The following CSMD2 variants were observed in gnomAD, a reference collection of about 807,000 sequenced individuals.
CSMD2 encodes CUB and Sushi multiple domains 2, also known as CUB and sushi domain-containing protein 2.
Under a neutral mutation model 398.5 loss-of-function variants are expected in CSMD2, and 130 were observed. That is an observed-to-expected ratio of 0.33 (90% CI 0.28 to 0.38). The LOEUF is 0.38. CSMD2 is among the 10% of genes least tolerant of loss of function. The pLI is 1.00. For synonymous variants in CSMD2, 1,828 were observed against 1,908.5 expected (o/e 0.96, Z 1.10); for missense variants, 3,829 against 4,764.9 (o/e 0.80, Z 5.78).
At chr1:33,769,492 C>A (rs931073875) in intron 13 of CSMD2, among the ~76,000 whole-genome samples, 2 of 152,126 alleles carry the variant, frequency 1.3e-5, no homozygotes, top group Admixed American at 1.3e-4. Flanking sequence ...TCTTTCAAAA[C>A]GTTTTTCACT....
intron 1 of CSMD2, among the ~76,000 whole-genome samples, chr1:34,119,196 G>A (rs543770589): frequency 6.6e-6 from 1 of 152,132 alleles, no homozygotes; most frequent in Non-Finnish European, 1.5e-5. Context: ...AACAAATGTT[G>A]TTGGGAAAAC....
chr1:34,007,119 A>T (rs1291660784), intron 3 of CSMD2, among the ~76,000 whole-genome samples: 1 of 152,092 alleles, frequency 6.6e-6, no homozygotes, highest in Non-Finnish European at 1.5e-5. Context: ...CCAGAATTGC[A>T]TCCAAGATGA....
chr1:34,124,828 T>C (rs899669998), intron 1 of CSMD2, among the ~76,000 whole-genome samples: 13 of 152,160 alleles, frequency 8.5e-5, no homozygotes, highest in Non-Finnish European at 1.9e-4. Flanking sequence ...CATTTTTTTG[T>C]AAAGATGGAA....
chr1:33,517,511 C>A (rs1009797957), intron 70 of CSMD2, among the ~76,000 whole-genome samples: 1 of 152,246 alleles, frequency 6.6e-6, no homozygotes, highest in African/African-American at 2.4e-5. Context: ...CACTGATCAT[C>A]TCCAAGCCCC....
At chr1:33,660,336 T>G (rs1384668476) in intron 26 of CSMD2, among the ~76,000 whole-genome samples, 1 of 152,178 alleles carries the variant, frequency 6.6e-6, no homozygotes, top group Non-Finnish European at 1.5e-5. Context: ...CCTTTTTTTT[T>G]GTTCTCACTT....
At chr1:33,843,774 G>C (rs995049778) in intron 6 of CSMD2, among the ~76,000 whole-genome samples, 6 of 152,172 alleles carry the variant, frequency 3.9e-5, no homozygotes, top group Non-Finnish European at 1.5e-5. Flanking sequence ...AGAGGAGAGA[G>C]GTCAAGCTAC....
chr1:34,019,327 C>A (rs575775050), intron 3 of CSMD2, among the ~76,000 whole-genome samples: 1 of 152,318 alleles, frequency 6.6e-6, no homozygotes, highest in African/African-American at 2.4e-5. Flanking sequence ...GAGACCCCAG[C>A]ACTTGAACAT....
chr1:33,602,579 G>T (rs781710270), intron 42 of CSMD2, 33 bp from the exon 43 acceptor site: 1 of 1,533,082 alleles, frequency 6.5e-7, no homozygotes. Flanking sequence ...GTAAGTGCAG[G>T]GCCTCGGTAC....
chr1:33,743,694 T>C, intron 13 of CSMD2, 88 bp from the exon 14 acceptor site: 1 of 962,726 alleles, frequency 1.0e-6, no homozygotes, highest in South Asian at 1.7e-5. Context: ...ATCTTCTTAG[T>C]CTAAAAAGCA....
chr1:33,545,946 T>C, intron 57 of CSMD2, 91 bp downstream of exon 57: 1 of 1,299,532 alleles, frequency 7.7e-7, no homozygotes, highest in African/African-American at 1.5e-5. Context: ...GGTTTTTTTC[T>C]GTGAGCGCAG....
chr1:33,993,028 T>C (rs939034843), intron 3 of CSMD2, among the ~76,000 whole-genome samples: 5 of 152,202 alleles, frequency 3.3e-5, no homozygotes. Context: ...GTCCCACTTA[T>C]GTAAAAAAGT....
At chr1:34,031,765 C>CAAAAAAAAAAAAAAAA (rs556094322) in intron 3 of CSMD2, among the ~76,000 whole-genome samples, 2 of 71,254 alleles carry the variant, frequency 2.8e-5, no homozygotes, top group Non-Finnish European at 5.2e-5. Flanking sequence ...AAGGCAAAGG[C>CAAAAAAAAAAAAAAAA]AAAAAAAAAA....
intron 12 of CSMD2, among the ~76,000 whole-genome samples, chr1:33,779,967 C>A (rs989846448): frequency 6.6e-6 from 1 of 152,112 alleles, no homozygotes; most frequent in Non-Finnish European, 1.5e-5. Context: ...TGGAGGACAA[C>A]AGCGTAGAGT....
At chr1:33,677,041 T>C (rs937755069) in intron 25 of CSMD2, among the ~76,000 whole-genome samples, 2 of 152,292 alleles carry the variant, frequency 1.3e-5, no homozygotes, top group East Asian at 1.9e-4. Flanking sequence ...ATGCAGGACA[T>C]AGGCATGGGC....
At chr1:33,607,207 C>T (rs920416512) in intron 41 of CSMD2, among the ~76,000 whole-genome samples, 2 of 152,168 alleles carry the variant, frequency 1.3e-5, no homozygotes, top group Non-Finnish European at 2.9e-5. Context: ...TTAAGCATGT[C>T]GGACCGGGAG....
chr1:34,098,745 C>T (rs910570740), intron 1 of CSMD2, among the ~76,000 whole-genome samples: 3 of 151,920 alleles, frequency 2.0e-5, no homozygotes, highest in African/African-American at 7.3e-5. Flanking sequence ...CTCCTCGAAT[C>T]GCACCATATA....
At chr1:33,629,043 T>C (rs1170818482) in intron 32 of CSMD2, among the ~76,000 whole-genome samples, 1 of 149,764 alleles carries the variant, frequency 6.7e-6, no homozygotes, top group Non-Finnish European at 1.5e-5. Flanking sequence ...GTACAGAAAG[T>C]ACTGCAGTTA....
chr1:34,004,507 C>A (rs1162382144), intron 3 of CSMD2, among the ~76,000 whole-genome samples: 1 of 152,074 alleles, frequency 6.6e-6, no homozygotes, highest in African/African-American at 2.4e-5. Flanking sequence ...ATTCTTTGTA[C>A]ATATACTATA....
intron 1 of CSMD2, among the ~76,000 whole-genome samples, chr1:34,129,879 C>T (rs1303900143): frequency 6.6e-6 from 1 of 152,168 alleles, no homozygotes; most frequent in African/African-American, 2.4e-5. Flanking sequence ...CACTTGCTGG[C>T]TGTGTGACCT....
Sources: gnomAD v4.1 joint callset for allele counts (sites outside exome capture counted in the v4.1 genomes callset) on GRCh38, gnomAD v4.1.1 for gene constraint, MANE v1.5 for transcripts, NCBI Gene and HGNC (gene_info 2026-07-23, HGNC 2026-07-21) for gene names.